The following HOOK3 variants were observed in gnomAD, a reference collection of about 807,000 sequenced individuals.
HOOK3 encodes the protein hook microtubule tethering protein 3.
In HOOK3, 24 loss-of-function variants were observed where a neutral mutation model predicts 116.3. The observed-to-expected ratio is 0.21, with a 90% CI of 0.15 to 0.29. The LOEUF is 0.29. HOOK3 is among the 10% of genes least tolerant of loss of function. The probability of loss-of-function intolerance (pLI) is 1.00; values close to 1 mark genes in which losing one functional copy is unlikely to be tolerated. For missense variants in HOOK3, 632 were observed against 830.2 expected (o/e 0.76, Z 2.93); for synonymous variants, 275 against 283.0 (o/e 0.97, Z 0.28).
At chr8:42,918,263 A>C (rs1232345668) in intron 2 of HOOK3, among the ~76,000 whole-genome samples, 1 of 152,120 alleles carries the variant, frequency 6.6e-6, no homozygotes, top group Non-Finnish European at 1.5e-5. Context: ...ACTTGAACCC[A>C]GGAGGCGGAG....
In HOOK3 at chr8:43,020,501, G is replaced by A. The variant is rs1809804985; in HGVS notation, c.*2003G>A. 1.1e-5 allele frequency: 2 copies of A among 181,232 alleles called. No individual in the cohort carries two copies. The highest frequency in any genetic ancestry group is 6.3e-5 in the Admixed American group (1 of 15,926). The allele number at this position is 181,232 out of a possible 1,614,324, so 11.2% of individuals were successfully genotyped here. The stretch of plus-strand genomic sequence containing the variant: ...ACCTAGGTGGGGGTGGATCACTTGA[G>A]GTCAGGAGTTTGAGACCAGCCTGGC... On this transcript the variant is annotated 3_prime_UTR_variant, in exon 22 of 22. Coordinates refer to ENST00000307602, the MANE Select transcript of HOOK3 (RefSeq NM_032410.4).
Position 43,028,187 on chromosome 8 carries a change from ACT to A in HOOK3, c.*9692_*9693del, listed in dbSNP as rs1809967996. ...CAGTGTTTTTTCCCTTTTTATGTAA[ACT>A]CTTTTAAAATTGATATTAGCTGGGC... On this transcript the variant is annotated 3_prime_UTR_variant, in exon 22 of 22. Transcript: ENST00000307602. 5.5e-6 allele frequency: 1 copy of A among 181,792 alleles called. No individual in the cohort carries two copies. Among genetic ancestry groups the A allele is most frequent in the East Asian group, 9.0e-5 (1 of 11,070 alleles). 11.3% of individuals were successfully genotyped at this position (181,792 alleles called of 1,614,324 possible).
chr8:42,988,273 G>A (rs187855734), intron 15 of HOOK3, among the ~76,000 whole-genome samples: 1 of 152,212 alleles, frequency 6.6e-6, no homozygotes, highest in East Asian at 1.9e-4. Flanking sequence ...CGGGTGGGCA[G>A]TCCCTCTGGT....
rs546737262 is a variant in HOOK3, at chr8:42,910,354, T to C, written c.143+4096T>C. Among the ~76,000 whole-genome samples, 15 of 151,266 alleles carry C rather than the reference T, an allele frequency of 9.9e-5. No homozygotes were observed. In the East Asian group the frequency reaches 1.2e-3, roughly 12 times the overall value. On this transcript the variant is annotated intron_variant, in intron 2 of 21. Coordinates refer to ENST00000307602, the MANE Select transcript of HOOK3 (RefSeq NM_032410.4). The stretch of plus-strand genomic sequence containing the variant: ...GTCTTTCTTTCTTCCTAGAATGCCT[T>C]CCTTTTTTTTTCCTTTTGTTGAGAT...
At chr8:42,960,482 T>C (rs530837124) in intron 8 of HOOK3, among the ~76,000 whole-genome samples, 86 of 152,338 alleles carry the variant, frequency 5.6e-4, no homozygotes, top group African/African-American at 1.9e-3. Context: ...GTAAACCTTA[T>C]TGGTTTTCAA....
chr8:42,920,631 G>T (rs1807638868), intron 2 of HOOK3, among the ~76,000 whole-genome samples: 1 of 152,202 alleles, frequency 6.6e-6, no homozygotes, highest in South Asian at 2.1e-4. Context: ...CTAGTTTACA[G>T]AGTATGAAGG....
intron 3 of HOOK3, among the ~76,000 whole-genome samples, chr8:42,927,498 T>A (rs1416021749): frequency 6.6e-6 from 1 of 152,150 alleles, no homozygotes; most frequent in Non-Finnish European, 1.5e-5. Context: ...TCAGGTGATC[T>A]GCCCGCCTTG....
chr8:42,985,443 A>G (rs1809031452), intron 14 of HOOK3, among the ~76,000 whole-genome samples: 1 of 152,218 alleles, frequency 6.6e-6, no homozygotes, highest in South Asian at 2.1e-4. Context: ...GCAGGTACCA[A>G]TGTACATGTA....
intron 1 of HOOK3, among the ~76,000 whole-genome samples, chr8:42,905,246 T>C (rs1305192371): frequency 6.8e-6 from 1 of 147,794 alleles, no homozygotes; most frequent in Non-Finnish European, 1.5e-5. Flanking sequence ...CCGGGAGGCA[T>C]CAAGATTTTT....
At position 42,906,923 on chromosome 8, in the gene HOOK3, A is replaced by G. The variant is rs117699528; in HGVS notation, c.143+665A>G. On this transcript the variant is annotated intron_variant, in intron 2 of 21. Transcript: ENST00000307602. Reference sequence around the variant, plus strand: ...AATCAGCAGTTCCTCCTAGTTTAATATGCATTGTGGGTGTTTATGTTTGTT... The same window carrying G: ...AATCAGCAGTTCCTCCTAGTTTAATGTGCATTGTGGGTGTTTATGTTTGTT... Among the ~76,000 whole-genome samples, 80 of 152,364 alleles carry G rather than the reference A, an allele frequency of 5.3e-4. No homozygotes were observed. The East Asian group carries it at 0.012, about 23-fold the overall frequency.
intron 13 of HOOK3, among the ~76,000 whole-genome samples, chr8:42,976,216 G>A (rs1315162613): frequency 6.6e-6 from 1 of 152,052 alleles, no homozygotes; most frequent in Non-Finnish European, 1.5e-5. Flanking sequence ...GGTAGAAAAG[G>A]GCAAATTTAG....
chr8:42,973,394 A>C lies in HOOK3; in HGVS notation c.1228A>C (p.Lys410Gln). 1 of 1,609,800 alleles carries C rather than the reference A, an allele frequency of 6.2e-7. No individual in the cohort carries two copies. The highest frequency in any genetic ancestry group is 8.5e-7 in the Non-Finnish European group (1 of 1,177,216). Reference sequence around the variant, plus strand: ...AAAAGTTGACAGTCTTCAAAAAGAAAAGGACGTGAGTATATATATTAGGCA... The same window carrying C: ...AAAAGTTGACAGTCTTCAAAAAGAACAGGACGTGAGTATATATATTAGGCA... ...KEKVDSLQKEKDRLRTERDSL... is the reference protein window; with the variant it reads ...KEKVDSLQKEQDRLRTERDSL... Residue 410 changes from lysine (K) to glutamine (Q), a missense_variant, in exon 12 of 22, where the codon AAG (lysine) becomes CAG (glutamine). Coordinates refer to ENST00000307602, the MANE Select transcript of HOOK3 (RefSeq NM_032410.4).
intron 7 of HOOK3, among the ~76,000 whole-genome samples, chr8:42,958,606 T>G (rs915305295): frequency 1.1e-4 from 16 of 149,970 alleles, no homozygotes; most frequent in African/African-American, 3.2e-4. Context: ...GTTTTTTTTT[T>G]TTTTTTTTTT....
Position 42,964,357 on chromosome 8 carries a change from A to G in HOOK3, c.662A>G (p.Gln221Arg). The G allele has an allele frequency of 6.2e-7, 1 of 1,614,142 alleles. No individual in the cohort carries two copies. ...AAAAGTAGTTTGTTGGCAGAGAATC[A>G]GGTATTAATGGAAAGACTCAATCAA... ...EEKSSLLAEN[Q>R]VLMERLNQSD... The change falls in exon 9 of 22, where the codon CAG becomes CGG. Residue 221 changes from glutamine to arginine, a missense_variant. By Grantham distance (43) the Gln-to-Arg change is conservative. Around this residue, in one of 3 missense-constraint regions of HOOK3, gnomAD observed 483 missense variants for 648.1 expected, o/e 0.75. Coordinates refer to ENST00000307602, the MANE Select transcript of HOOK3 (RefSeq NM_032410.4).
chr8:42,966,796 C>G (rs1194419337), intron 10 of HOOK3, among the ~76,000 whole-genome samples, 183 bp downstream of exon 10: 2 of 152,136 alleles, frequency 1.3e-5, no homozygotes, highest in African/African-American at 4.8e-5. Flanking sequence ...ACATGCCTAC[C>G]TCAGGTTTAT....
At chr8:42,997,882 G>A (rs1163123306) in intron 16 of HOOK3, 2 of 389,628 alleles carry the variant, frequency 5.1e-6, no homozygotes, top group Non-Finnish European at 9.5e-6. Context: ...AGAATTAATT[G>A]AGGCTTTATG....
chr8:42,955,189 G>A lies in HOOK3; in HGVS notation c.469-1905G>A, dbSNP rs926028398. ...GTTTGTATTGCACAGGTCTACTTTT[G>A]TGCAGTTCTTTTTTTACAACCAAAC... On this transcript the variant is annotated intron_variant, in intron 6 of 21. Transcript: ENST00000307602. Among the ~76,000 whole-genome samples, 11 of 152,158 alleles carry A rather than the reference G, an allele frequency of 7.2e-5. 1 individual carries two copies. Among genetic ancestry groups the A allele is most frequent in the African/African-American group, 2.2e-4 (9 of 41,434 alleles).
chr8:42,998,573 A>G (rs1809323179), intron 16 of HOOK3, among the ~76,000 whole-genome samples: 1 of 152,192 alleles, frequency 6.6e-6, no homozygotes, highest in African/African-American at 2.4e-5. Context: ...AAGGAACCGA[A>G]GAAAGGGAGT....
intron 21 of HOOK3, among the ~76,000 whole-genome samples, chr8:43,017,785 C>T (rs1404940684): frequency 2.6e-5 from 4 of 152,086 alleles, no homozygotes; most frequent in South Asian, 2.1e-4. Context: ...AGTTAGTAGG[C>T]GATCCTTCTC....
Sources: allele counts gnomAD v4.1 joint callset (sites outside exome capture counted in the v4.1 genomes callset), GRCh38; gene constraint gnomAD v4.1.1; regional missense constraint gnomAD v4.1.1; transcripts MANE v1.5; gene names NCBI Gene and HGNC (gene_info 2026-07-23, HGNC 2026-07-21).